Variants in NUBPL observed in about 807,000 individuals in gnomAD.
NUBPL encodes the protein iron-sulfur cluster transfer protein NUBPL.
NUBPL carries 31 observed loss-of-function variants against 45.7 expected under a neutral mutation model. The observed-to-expected ratio is 0.68, with a 90% CI of 0.51 to 0.92. The LOEUF is 0.92. Ranked by LOEUF, NUBPL falls within the 40% of genes least tolerant of loss-of-function variation. The pLI, the probability that NUBPL is intolerant of heterozygous loss-of-function variation, is 0.00. For synonymous variants in NUBPL, 144 were observed against 140.9 expected, an observed-to-expected ratio of 1.02 and a Z score of -0.15; for missense variants, 401 against 398.7, an observed-to-expected ratio of 1.01 and a Z score of -0.05.
chr14:31,787,336 A>G (rs1488748328), intron 6 of NUBPL, among the ~76,000 whole-genome samples: 1 of 152,194 alleles, frequency 6.6e-6, no homozygotes, highest in East Asian at 1.9e-4. Context: ...TTTATTATTA[A>G]GTTTTGGGTT....
In NUBPL at chr14:31,643,578, T is replaced by C. The variant is rs373135437; in HGVS notation, c.383-29777T>C. Among the ~76,000 whole-genome samples, 17 of 152,314 alleles carry C rather than the reference T, an allele frequency of 1.1e-4. No individual in the cohort carries two copies. The East Asian group carries it at 2.5e-3, about 22-fold the overall frequency. On this transcript the variant is annotated intron_variant, in intron 4 of 10. Transcript: ENST00000281081. ...CTATTTTGTTGAGGATTTTTGCATC[T>C]ATGTTCATTAGTGTTGTTGGGTCTA...
chr14:31,670,824 G>T (rs2036553703), intron 4 of NUBPL, among the ~76,000 whole-genome samples: 1 of 152,054 alleles, frequency 6.6e-6, no homozygotes, highest in Admixed American at 6.6e-5. Flanking sequence ...CTGTTCCATT[G>T]GTCCATGTGC....
intron 4 of NUBPL, among the ~76,000 whole-genome samples, chr14:31,657,271 T>C (rs965405063): frequency 6.6e-6 from 1 of 152,216 alleles, no homozygotes; most frequent in Admixed American, 6.5e-5. Flanking sequence ...TTTACTATGA[T>C]TTCTTATCTA....
intron 4 of NUBPL, among the ~76,000 whole-genome samples, chr14:31,656,366 T>C (rs1171901541): frequency 6.6e-6 from 1 of 152,198 alleles, no homozygotes; most frequent in East Asian, 1.9e-4. Context: ...TTCCTTTGCA[T>C]TCACAACTTG....
intron 8 of NUBPL, among the ~76,000 whole-genome samples, chr14:31,831,879 G>T (rs1057452893): frequency 6.6e-6 from 1 of 152,130 alleles, no homozygotes; most frequent in African/African-American, 2.4e-5. Flanking sequence ...GTTTTAATCT[G>T]ATAGAGATGA....
At chr14:31,633,761 T>A (rs904909477) in intron 4 of NUBPL, among the ~76,000 whole-genome samples, 27 of 152,330 alleles carry the variant, frequency 1.8e-4, no homozygotes, top group African/African-American at 6.3e-4. Flanking sequence ...TTATTCCTAG[T>A]CCTGTCCTCA....
intron 6 of NUBPL, among the ~76,000 whole-genome samples, chr14:31,673,797 TCTTA>T (rs2036631035): frequency 6.6e-6 from 1 of 152,196 alleles, no homozygotes; most frequent in African/African-American, 2.4e-5. Flanking sequence ...AATTCTATTG[TCTTA>T]CTTAATACTG....
At chr14:31,662,937 A>G (rs944412271) in intron 4 of NUBPL, among the ~76,000 whole-genome samples, 1 of 152,164 alleles carries the variant, frequency 6.6e-6, no homozygotes, top group Non-Finnish European at 1.5e-5. Flanking sequence ...CGCCATTCTA[A>G]CTCACATGAG....
intron 3 of NUBPL, among the ~76,000 whole-genome samples, chr14:31,597,356 T>TA (rs1270486130): frequency 3.9e-5 from 6 of 152,200 alleles, no homozygotes; most frequent in African/African-American, 1.4e-4. Context: ...AATCTACTCT[T>TA]ACCGTAGCAA....
intron 7 of NUBPL, among the ~76,000 whole-genome samples, chr14:31,791,202 C>G (rs1347820227): frequency 6.6e-6 from 1 of 152,122 alleles, no homozygotes; most frequent in Admixed American, 6.5e-5. Context: ...CACTTGAGCC[C>G]TGGAGGTCGA....
intron 4 of NUBPL, among the ~76,000 whole-genome samples, chr14:31,622,330 A>G (rs1566454344): frequency 6.6e-6 from 1 of 152,182 alleles, no homozygotes; most frequent in Non-Finnish European, 1.5e-5. Flanking sequence ...GTTTGGAAAT[A>G]TTGCAGCCTG....
chr14:31,818,515 G>T (rs1370458702), intron 7 of NUBPL, among the ~76,000 whole-genome samples: 1 of 151,832 alleles, frequency 6.6e-6, no homozygotes, highest in Non-Finnish European at 1.5e-5. Context: ...ACTTATTATT[G>T]TGTTTAATTC....
chr14:31,674,988 T>G (rs1156280030), intron 6 of NUBPL, among the ~76,000 whole-genome samples: 1 of 151,970 alleles, frequency 6.6e-6, no homozygotes, highest in Admixed American at 6.6e-5. Context: ...TACAAAAAAA[T>G]TAGCCCTGCT....
At chr14:31,775,080 T>C (rs1182526497) in intron 6 of NUBPL, among the ~76,000 whole-genome samples, 1 of 152,190 alleles carries the variant, frequency 6.6e-6, no homozygotes, top group Non-Finnish European at 1.5e-5. Flanking sequence ...ACTATCTCAA[T>C]ATTGAATGGC....
intron 6 of NUBPL, among the ~76,000 whole-genome samples, chr14:31,731,583 G>T (rs1240958366): frequency 6.6e-6 from 1 of 152,136 alleles, no homozygotes; most frequent in Non-Finnish European, 1.5e-5. Flanking sequence ...TAAGATAGAT[G>T]CCAGGAATGG....
At chr14:31,776,609 T>G (rs1191441228) in intron 6 of NUBPL, among the ~76,000 whole-genome samples, 1 of 152,208 alleles carries the variant, frequency 6.6e-6, no homozygotes, top group Non-Finnish European at 1.5e-5. Flanking sequence ...GTCCAAGCAC[T>G]TAGGTTCTGC....
At chr14:31,847,344 C>A (rs1273866531) in intron 9 of NUBPL, among the ~76,000 whole-genome samples, 2 of 152,182 alleles carry the variant, frequency 1.3e-5, no homozygotes, top group Middle Eastern at 3.2e-3. Flanking sequence ...GTTAGTCTTT[C>A]TGCTTTAGAA....
At chr14:31,836,953 G>A (rs2040290803) in intron 8 of NUBPL, among the ~76,000 whole-genome samples, 1 of 152,170 alleles carries the variant, frequency 6.6e-6, no homozygotes, top group Non-Finnish European at 1.5e-5. Context: ...CATAAAAGAA[G>A]ATTATCACAT....
intron 7 of NUBPL, among the ~76,000 whole-genome samples, chr14:31,811,141 C>T (rs1029249212): frequency 3.9e-5 from 6 of 152,082 alleles, no homozygotes; most frequent in Non-Finnish European, 1.5e-5. Context: ...GTTCTCTGTA[C>T]TTCCTGAATT....
Sources: allele counts gnomAD v4.1 joint callset (sites outside exome capture counted in the v4.1 genomes callset), GRCh38; gene constraint gnomAD v4.1.1; transcripts MANE v1.5; gene names NCBI Gene and HGNC (gene_info 2026-07-23, HGNC 2026-07-21).